Variants in VPS13B observed in about 807,000 individuals in gnomAD.
VPS13B encodes intermembrane lipid transfer protein VPS13B.
Under a neutral mutation model 426.4 loss-of-function variants are expected in VPS13B, and 285 were observed. The ratio of observed to expected loss-of-function variants is 0.67; its 90% CI spans 0.61 to 0.74. The LOEUF (loss-of-function observed/expected upper bound fraction) is 0.74. Among genes scored for constraint, VPS13B ranks in the 30% least tolerant of loss-of-function variants. The pLI is 0.00. For synonymous variants in VPS13B, 1,676 were observed against 1,676.4 expected, an observed-to-expected ratio of 1.00 and a Z score of 0.01; for missense variants, 4,537 against 4,782.6, an observed-to-expected ratio of 0.95 and a Z score of 1.51.
At chr8:99,116,916 G>T (rs1400640726) in intron 7 of VPS13B, among the ~76,000 whole-genome samples, 1 of 152,162 alleles carries the variant, frequency 6.6e-6, no homozygotes, top group Non-Finnish European at 1.5e-5. Flanking sequence ...AAATCATTTT[G>T]ATGTATTTCT....
intron 44 of VPS13B, among the ~76,000 whole-genome samples, chr8:99,816,043 G>A (rs1440751367): frequency 1.3e-5 from 2 of 151,368 alleles, no homozygotes; most frequent in Non-Finnish European, 2.9e-5. Context: ...TGTTGCCCAG[G>A]CTAGTCTCAA....
At chr8:99,076,742 G>A (rs1352800101) in intron 3 of VPS13B, among the ~76,000 whole-genome samples, 2 of 150,348 alleles carry the variant, frequency 1.3e-5, no homozygotes, top group African/African-American at 2.4e-5. Flanking sequence ...TAGTCTATGT[G>A]TATTTACAGT....
Position 99,809,540 on chromosome 8 carries a change from T to C in VPS13B, c.8097+10T>C, listed in dbSNP as rs971919054. 26 of 1,613,838 alleles carry C rather than the reference T, an allele frequency of 1.6e-5. No individual in the cohort carries two copies. In the Admixed American group the frequency reaches 2.3e-4, roughly 14 times the overall value. On this transcript the variant is annotated intron_variant, in intron 44 of 61. Transcript: ENST00000357162. ...TGGAGTACAAAAACAGGTAAGTTTC[T>C]TTGTGTTCATGACCCAGACACCTCT...
chr8:99,508,693 TAAAG>T (rs1394330641), intron 28 of VPS13B, among the ~76,000 whole-genome samples: 2 of 152,122 alleles, frequency 1.3e-5, no homozygotes, highest in South Asian at 2.1e-4. Flanking sequence ...CAAATATTCA[TAAAG>T]AAACCGTAAA....
chr8:99,598,187 G>C (rs1827110948), intron 33 of VPS13B, among the ~76,000 whole-genome samples: 1 of 152,034 alleles, frequency 6.6e-6, no homozygotes, highest in Admixed American at 6.6e-5. Flanking sequence ...AGGTGTGCCT[G>C]AAAGTTCAGA....
chr8:99,676,375 T>G (rs1027830632), intron 35 of VPS13B, among the ~76,000 whole-genome samples: 3 of 152,118 alleles, frequency 2.0e-5, no homozygotes, highest in African/African-American at 7.2e-5. Context: ...TCATAGGGGC[T>G]ATGGGATCCT....
chr8:99,033,538 A>G (rs574391275), intron 2 of VPS13B, among the ~76,000 whole-genome samples: 32 of 151,790 alleles, frequency 2.1e-4, no homozygotes, highest in African/African-American at 7.0e-4. Flanking sequence ...TTTTTTTGTA[A>G]TTTGTTTTTA....
intron 43 of VPS13B, among the ~76,000 whole-genome samples, chr8:99,798,319 G>A (rs969842829): frequency 6.6e-6 from 1 of 151,646 alleles, no homozygotes; most frequent in Non-Finnish European, 1.5e-5. Context: ...ACCAGTAGAA[G>A]TAAATGGGGT....
chr8:99,271,451 G>A (rs1346775003), intron 17 of VPS13B, among the ~76,000 whole-genome samples: 3 of 152,232 alleles, frequency 2.0e-5, no homozygotes, highest in South Asian at 4.1e-4. Context: ...GAGGATAATG[G>A]ATACCACTTC....
At chr8:99,459,744 A>T (rs1352198971) in intron 23 of VPS13B, among the ~76,000 whole-genome samples, 1 of 152,174 alleles carries the variant, frequency 6.6e-6, no homozygotes, top group Admixed American at 6.5e-5. Flanking sequence ...TCTGTCATTA[A>T]GTGAAACATT....
rs192208683 is a variant in VPS13B at position 99,502,067 on chromosome 8, C to G, written c.4042+209C>G. Among the ~76,000 whole-genome samples, 15 of 152,194 alleles carry G rather than the reference C, an allele frequency of 9.9e-5. No homozygotes were observed. In the East Asian group the frequency reaches 2.9e-3, roughly 29 times the overall value. ...TGGCGTGACCTTGCCTCACTGCAAC[C>G]TCTTCCTTCTGGGTTCAAGTGATTC... On this transcript the variant is annotated intron_variant, in intron 26 of 61. Transcript: ENST00000357162.
At chr8:99,823,264 C>T (rs575020060) in intron 50 of VPS13B, among the ~76,000 whole-genome samples, 1 of 152,238 alleles carries the variant, frequency 6.6e-6, no homozygotes, top group African/African-American at 2.4e-5. Context: ...TAGTAACTCC[C>T]CCACGTAGGT....
At chr8:99,311,218 A>T (rs531563604) in intron 19 of VPS13B, among the ~76,000 whole-genome samples, 1 of 152,134 alleles carries the variant, frequency 6.6e-6, no homozygotes, top group African/African-American at 2.4e-5. Context: ...GTAGCTCTTG[A>T]ATGTGTTTGC....
At chr8:99,648,929 T>C (rs1216465386) in intron 34 of VPS13B, among the ~76,000 whole-genome samples, 1 of 151,160 alleles carries the variant, frequency 6.6e-6, no homozygotes, top group Non-Finnish European at 1.5e-5. Context: ...TAAATACTGT[T>C]TTCCTTCATC....
chr8:99,076,198 T>G (rs1563523676), intron 3 of VPS13B, among the ~76,000 whole-genome samples: 1 of 152,344 alleles, frequency 6.6e-6, no homozygotes, highest in East Asian at 1.9e-4. Flanking sequence ...ATTTCCAGTT[T>G]TATTCTTGTG....
intron 2 of VPS13B, among the ~76,000 whole-genome samples, chr8:99,030,786 A>C (rs1842474066): frequency 6.6e-6 from 1 of 152,196 alleles, no homozygotes; most frequent in Non-Finnish European, 1.5e-5. Flanking sequence ...TTCATTCATA[A>C]CCATTGTGAC....
chr8:99,579,977 C>T (rs1036960537), intron 33 of VPS13B, among the ~76,000 whole-genome samples: 17 of 152,136 alleles, frequency 1.1e-4, no homozygotes, highest in African/African-American at 3.1e-4. Context: ...AGATTACAGG[C>T]GTGAGCTACT....
At chr8:99,636,206 G>A (rs938280001) in intron 33 of VPS13B, among the ~76,000 whole-genome samples, 11 of 151,910 alleles carry the variant, frequency 7.2e-5, no homozygotes, top group Admixed American at 2.0e-4. Context: ...TGTTATCTCT[G>A]CATAAAATTT....
At chr8:99,855,495 AT>A (rs1297366260) in intron 56 of VPS13B, among the ~76,000 whole-genome samples, 1 of 152,154 alleles carries the variant, frequency 6.6e-6, no homozygotes, top group African/African-American at 2.4e-5. Flanking sequence ...TAATTTGATA[AT>A]TGGGTTCCCA....
Sources: allele counts gnomAD v4.1 joint callset (sites outside exome capture counted in the v4.1 genomes callset), GRCh38; gene constraint gnomAD v4.1.1; transcripts MANE v1.5; gene names NCBI Gene and HGNC (gene_info 2026-07-23, HGNC 2026-07-21).